CDH13: variants seen among roughly 807,000 people sequenced by gnomAD.
The protein encoded by CDH13 is cadherin 13, also known as cadherin-13.
Under a neutral mutation model 63.8 loss-of-function variants are expected in CDH13, and 24 were observed. That is an observed-to-expected ratio of 0.38 (90% CI 0.27 to 0.53). The LOEUF (loss-of-function observed/expected upper bound fraction) is 0.53, where lower values mean the gene tolerates loss of function less well. CDH13 is among the 20% of genes least tolerant of loss of function. CDH13 has a pLI of 0.85. For missense variants in CDH13, 1,049 were observed against 903.1 expected, an observed-to-expected ratio of 1.16 and a Z score of -2.07; for synonymous variants, 503 against 355.3, an observed-to-expected ratio of 1.42 and a Z score of -4.67.
intron 4 of CDH13, among the ~76,000 whole-genome samples, chr16:83,175,442 G>T (rs1012101589): frequency 1.3e-5 from 2 of 152,112 alleles, no homozygotes; most frequent in Admixed American, 6.6e-5. Flanking sequence ...ATGAGCCAGT[G>T]TGGAGACTGG....
At chr16:83,669,381 T>C (rs372721358) in intron 8 of CDH13, among the ~76,000 whole-genome samples, 1 of 152,236 alleles carries the variant, frequency 6.6e-6, no homozygotes, top group Non-Finnish European at 1.5e-5. Flanking sequence ...ACCGTTAGTA[T>C]AGTTTTCTTG....
At chr16:83,687,809 C>T (rs991683900) in intron 10 of CDH13, among the ~76,000 whole-genome samples, 3 of 152,196 alleles carry the variant, frequency 2.0e-5, no homozygotes, top group Non-Finnish European at 2.9e-5. Context: ...GAGCCATTGC[C>T]GTCAGCCAAC....
intron 13 of CDH13, among the ~76,000 whole-genome samples, chr16:83,784,324 TC>T (rs1055779308): frequency 6.6e-6 from 1 of 151,676 alleles, no homozygotes; most frequent in Non-Finnish European, 1.5e-5. Flanking sequence ...AAGACCAGAG[TC>T]CTGTGAGTAG....
chr16:82,731,108 G>A (rs1002632086), intron 1 of CDH13, among the ~76,000 whole-genome samples: 1 of 152,162 alleles, frequency 6.6e-6, no homozygotes, highest in Non-Finnish European at 1.5e-5. Flanking sequence ...GCCATGCCGG[G>A]AGTATTTATA....
chr16:83,088,036 C>G (rs1327654526), intron 3 of CDH13, among the ~76,000 whole-genome samples: 1 of 152,102 alleles, frequency 6.6e-6, no homozygotes, highest in Non-Finnish European at 1.5e-5. Flanking sequence ...TAGGTTGGCG[C>G]AAAAAGTAGT....
At chr16:82,982,567 T>C (rs1023097863) in intron 2 of CDH13, among the ~76,000 whole-genome samples, 1 of 152,204 alleles carries the variant, frequency 6.6e-6, no homozygotes, top group Non-Finnish European at 1.5e-5. Flanking sequence ...CAGTTCTATG[T>C]GGAAGATTTT....
At chr16:83,159,609 A>G (rs2151708399) in intron 4 of CDH13, among the ~76,000 whole-genome samples, 1 of 152,344 alleles carries the variant, frequency 6.6e-6, no homozygotes, top group South Asian at 2.1e-4. Flanking sequence ...GAGCCTTAGC[A>G]GAAAGAAGAA....
At chr16:83,647,025 C>T (rs1911886574) in intron 8 of CDH13, among the ~76,000 whole-genome samples, 1 of 151,860 alleles carries the variant, frequency 6.6e-6, no homozygotes, top group African/African-American at 2.4e-5. Context: ...ATTACAGTAA[C>T]ATCGGCCAGG....
intron 1 of CDH13, among the ~76,000 whole-genome samples, chr16:82,697,416 CTTTTTTCTTTTT>C (rs1312101102): frequency 9.4e-5 from 10 of 106,362 alleles, no homozygotes; most frequent in Non-Finnish European, 1.1e-4. Context: ...CAAGGCATTT[CTTTTTTCTTTTT>C]TTTTTTTTTT....
intron 3 of CDH13, among the ~76,000 whole-genome samples, chr16:83,062,956 G>C (rs1370987149): frequency 7.2e-6 from 1 of 139,528 alleles, no homozygotes; most frequent in African/African-American, 2.8e-5. Context: ...TTATGTGGTG[G>C]TTGGCATTTT....
intron 8 of CDH13, among the ~76,000 whole-genome samples, chr16:83,612,743 C>T (rs1908963267): frequency 6.6e-6 from 1 of 152,038 alleles, no homozygotes; most frequent in South Asian, 2.1e-4. Flanking sequence ...TGGACTCTAA[C>T]ATCAAGTAGA....
intron 5 of CDH13, among the ~76,000 whole-genome samples, chr16:83,258,392 A>T (rs927702949): frequency 6.6e-6 from 1 of 152,234 alleles, no homozygotes; most frequent in African/African-American, 2.4e-5. Flanking sequence ...AATAAAAATT[A>T]GACTCAAAGA....
At chr16:83,610,799 A>T (rs1003192557) in intron 8 of CDH13, among the ~76,000 whole-genome samples, 1 of 152,194 alleles carries the variant, frequency 6.6e-6, no homozygotes, top group Non-Finnish European at 1.5e-5. Context: ...CTTTTGGTGC[A>T]TATTTGAAGC....
chr16:83,066,045 G>C (rs1460979042), intron 3 of CDH13, among the ~76,000 whole-genome samples: 1 of 152,192 alleles, frequency 6.6e-6, no homozygotes, highest in African/African-American at 2.4e-5. Flanking sequence ...TTAAGCATAA[G>C]AGCTGTAAAG....
chr16:83,220,775 T>C (rs968723299), intron 5 of CDH13, among the ~76,000 whole-genome samples: 1 of 152,058 alleles, frequency 6.6e-6, no homozygotes, highest in Non-Finnish European at 1.5e-5. Context: ...CAAGTACGTG[T>C]TGATGTATTA....
At chr16:82,649,377 G>C (rs529757987) in intron 1 of CDH13, among the ~76,000 whole-genome samples, 43 of 152,134 alleles carry the variant, frequency 2.8e-4, no homozygotes, top group Non-Finnish European at 1.5e-5. Flanking sequence ...AAGGAATCTG[G>C]TGAATTGTAA....
chr16:82,940,400 C>G (rs1167978119), intron 2 of CDH13, among the ~76,000 whole-genome samples: 1 of 152,056 alleles, frequency 6.6e-6, no homozygotes, highest in Non-Finnish European at 1.5e-5. Context: ...CTGTTTTGCT[C>G]GGTGGTGAGG....
intron 5 of CDH13, among the ~76,000 whole-genome samples, chr16:83,294,491 G>A (rs541034507): frequency 6.6e-6 from 1 of 152,138 alleles, no homozygotes; most frequent in South Asian, 2.1e-4. Context: ...AGACTATGTG[G>A]TATTTGCCTT....
chr16:82,859,779 T>C (rs552808003), intron 2 of CDH13: 1 of 150,162 alleles, frequency 6.7e-6, no homozygotes, highest in African/African-American at 2.4e-5. Context: ...TCTGTGAGGC[T>C]GGGACACACT....
Sources: gnomAD v4.1 joint callset for allele counts (sites outside exome capture counted in the v4.1 genomes callset) on GRCh38, gnomAD v4.1.1 for gene constraint, MANE v1.5 for transcripts, NCBI Gene and HGNC (gene_info 2026-07-23, HGNC 2026-07-21) for gene names.